The following ADK variants were observed in gnomAD, a reference collection of about 807,000 sequenced individuals.
ADK encodes the protein adenosine kinase, also known as N6,N6-dimethyladenosine kinase.
A neutral mutation model predicts 44.7 loss-of-function variants in ADK; 24 were observed. That is an observed-to-expected ratio of 0.54 (90% CI 0.39 to 0.76). ADK has a LOEUF of 0.76. Ranked by LOEUF, ADK falls within the 30% of genes least tolerant of loss-of-function variation. The pLI, the probability that ADK is intolerant of heterozygous loss-of-function variation, is 0.00. For missense variants in ADK, 321 were observed against 425.1 expected, an observed-to-expected ratio of 0.76 and a Z score of 2.15; for synonymous variants, 128 against 142.6, an observed-to-expected ratio of 0.90 and a Z score of 0.73.
At chr10:74,605,718 C>T (rs1852300533) in intron 9 of ADK, among the ~76,000 whole-genome samples, 1 of 151,960 alleles carries the variant, frequency 6.6e-6, no homozygotes, top group African/African-American at 2.4e-5. Context: ...TTTTTGTTGT[C>T]TCTGCCAGGT....
chr10:74,296,719 C>T (rs1369997981), intron 3 of ADK, among the ~76,000 whole-genome samples: 3 of 151,502 alleles, frequency 2.0e-5, no homozygotes, highest in East Asian at 3.9e-4. Flanking sequence ...TCACACCATT[C>T]GCCTGCCTCA....
chr10:74,448,162 G>T (rs1845648211), intron 6 of ADK, among the ~76,000 whole-genome samples: 1 of 126,314 alleles, frequency 7.9e-6, no homozygotes, highest in South Asian at 2.5e-4. Context: ...AACAGAGTGA[G>T]ACTCTGTCTC....
At position 74,474,473 on chromosome 10, in the gene ADK, C is replaced by A. The variant is rs560060633; in HGVS notation, c.556-50783C>A. Among the ~76,000 whole-genome samples the A allele has an allele frequency of 2.5e-3, 375 of 151,804 alleles. 2 individuals are homozygous for A. The highest frequency in any genetic ancestry group is 4.6e-3 in the Non-Finnish European group (312 of 67,876). ...TCTTTTCTTTTCCTTTATTTTCTTT[C>A]TTTCTTTTTCTCTCCCCCTTTCCTC... On this transcript the variant is annotated intron_variant, in intron 6 of 10. Coordinates refer to ENST00000539909, the MANE Select transcript of ADK (RefSeq NM_006721.4).
chr10:74,318,821 ATAAAC>A (rs1202938576), intron 4 of ADK, among the ~76,000 whole-genome samples: 3 of 152,242 alleles, frequency 2.0e-5, no homozygotes, highest in Non-Finnish European at 4.4e-5. Context: ...TTATAGAACT[ATAAAC>A]TAATTCCTAT....
At chr10:74,215,261 A>T (rs549632944) in intron 2 of ADK, among the ~76,000 whole-genome samples, 2 of 152,232 alleles carry the variant, frequency 1.3e-5, no homozygotes, top group Non-Finnish European at 2.9e-5. Flanking sequence ...AAACATCCAA[A>T]ATATAGGCTG....
At chr10:74,155,661 T>C (rs2132027041) in intron 1 of ADK, among the ~76,000 whole-genome samples, 1 of 151,906 alleles carries the variant, frequency 6.6e-6, no homozygotes, top group Non-Finnish European at 1.5e-5. Flanking sequence ...TCTGAGTAGC[T>C]GGGACTACAG....
At chr10:74,156,963 G>A (rs1342958351) in intron 1 of ADK, among the ~76,000 whole-genome samples, 2 of 152,202 alleles carry the variant, frequency 1.3e-5, no homozygotes, top group Non-Finnish European at 1.5e-5. Flanking sequence ...GGGTTCAGGA[G>A]CTAGTAGAAA....
intron 6 of ADK, among the ~76,000 whole-genome samples, chr10:74,461,971 G>A (rs542655216): frequency 6.6e-6 from 1 of 151,994 alleles, no homozygotes; most frequent in African/African-American, 2.4e-5. Context: ...GGTTGCATAT[G>A]GTATCTGTTA....
At chr10:74,153,942 G>A (rs574153622) in intron 1 of ADK, among the ~76,000 whole-genome samples, 2 of 152,192 alleles carry the variant, frequency 1.3e-5, no homozygotes, top group South Asian at 2.1e-4. Flanking sequence ...TTAAAAACTG[G>A]ATATATATAG....
chr10:74,692,019 G>A (rs184790633), intron 10 of ADK, among the ~76,000 whole-genome samples: 7 of 152,188 alleles, frequency 4.6e-5, no homozygotes, highest in South Asian at 2.1e-4. Context: ...AGGCTCCTTC[G>A]TTGCCCAAAT....
chr10:74,420,960 T>C (rs1455558349), intron 6 of ADK, among the ~76,000 whole-genome samples: 1 of 152,166 alleles, frequency 6.6e-6, no homozygotes, highest in Admixed American at 6.5e-5. Flanking sequence ...TGTATGGTAC[T>C]GTGGTGGTGG....
chr10:74,447,916 G>A (rs1439466157), intron 6 of ADK, among the ~76,000 whole-genome samples: 1 of 152,196 alleles, frequency 6.6e-6, no homozygotes, highest in Non-Finnish European at 1.5e-5. Flanking sequence ...TATCACGCCT[G>A]TAATCCCAGC....
chr10:74,695,380 A>G (rs563416789), intron 10 of ADK, among the ~76,000 whole-genome samples: 2 of 152,216 alleles, frequency 1.3e-5, no homozygotes, highest in East Asian at 1.9e-4. Context: ...ATAAAGTTCT[A>G]TAGTTTTCTT....
chr10:74,508,525 T>G (rs1848172769), intron 6 of ADK: 1 of 152,232 alleles, frequency 6.6e-6, no homozygotes, highest in African/African-American at 2.4e-5. Flanking sequence ...GACATTATTA[T>G]TCCCATTTTA....
chr10:74,602,126 AAAAG>A lies in ADK; in HGVS notation c.877+1636_877+1639del, dbSNP rs1276734179. 2.7e-5 allele frequency among the ~76,000 whole-genome samples: 4 copies of A among 150,916 alleles called. No individual in the cohort carries two copies. In the East Asian group the frequency reaches 7.8e-4, roughly 29 times the overall value. On this transcript the variant is annotated intron_variant, in intron 9 of 10. Transcript: ENST00000539909. ...TCTCCAAAAAAAAAAAAAAAAAAAA[AAAAG>A]AACGGAGGGCAATGGAGTCAAAGAG...
intron 3 of ADK, among the ~76,000 whole-genome samples, chr10:74,230,502 C>T (rs1277763362): frequency 2.0e-5 from 3 of 150,116 alleles, no homozygotes; most frequent in Admixed American, 6.6e-5. Flanking sequence ...AACAGGGTCT[C>T]GCTTTGTCAC....
intron 6 of ADK, among the ~76,000 whole-genome samples, chr10:74,470,102 G>A (rs1846510706): frequency 6.8e-6 from 1 of 145,996 alleles, no homozygotes; most frequent in Non-Finnish European, 1.5e-5. Context: ...TGAGCTCACT[G>A]CAACCTCTGC....
At chr10:74,296,636 G>C (rs1314925608) in intron 3 of ADK, among the ~76,000 whole-genome samples, 1 of 148,712 alleles carries the variant, frequency 6.7e-6, no homozygotes, top group Non-Finnish European at 1.5e-5. Flanking sequence ...TTTTGAGATG[G>C]AGTCTTGCTC....
chr10:74,203,820 T>C (rs1356499768), intron 2 of ADK, among the ~76,000 whole-genome samples: 1 of 151,788 alleles, frequency 6.6e-6, no homozygotes, highest in Non-Finnish European at 1.5e-5. Flanking sequence ...TATGAATTTT[T>C]GGGGATAGCT....
Sources: allele counts gnomAD v4.1 joint callset (sites outside exome capture counted in the v4.1 genomes callset), GRCh38; gene constraint gnomAD v4.1.1; transcripts MANE v1.5; gene names NCBI Gene and HGNC (gene_info 2026-07-23, HGNC 2026-07-21).